The following NCKAP5 variants were observed in gnomAD, a reference collection of about 807,000 sequenced individuals.
NCKAP5 encodes nck-associated protein 5.
NCKAP5 carries 92 observed loss-of-function variants against 167.0 expected under a neutral mutation model. That is an observed-to-expected ratio of 0.55 (90% CI 0.47 to 0.66). The LOEUF is 0.66. Among genes scored for constraint, NCKAP5 ranks in the 30% least tolerant of loss-of-function variants. The pLI, the probability that NCKAP5 is intolerant of heterozygous loss-of-function variation, is 0.00. For synonymous variants in NCKAP5, 891 were observed against 877.4 expected (o/e 1.02, Z -0.27); for missense variants, 2,378 against 2,315.0 (o/e 1.03, Z -0.56).
chr2:132,863,074 C>G (rs72847271), intron 10 of NCKAP5, among the ~76,000 whole-genome samples: 25,979 of 152,060 alleles, frequency 0.17, 2,589 homozygotes, highest in East Asian at 0.32. Flanking sequence ...CCCACCTTGG[C>G]CTCCCAAAGT....
intron 3 of NCKAP5, among the ~76,000 whole-genome samples, chr2:133,392,971 C>A (rs960166129): frequency 7.2e-5 from 11 of 152,146 alleles, no homozygotes; most frequent in African/African-American, 2.7e-4. Context: ...AGAAAAAGTT[C>A]TCAGCAGAGA....
chr2:133,199,825 A>ATG (rs1427178956), intron 5 of NCKAP5, among the ~76,000 whole-genome samples: 1 of 152,044 alleles, frequency 6.6e-6, no homozygotes, highest in African/African-American at 2.4e-5. Flanking sequence ...AAATGTATAA[A>ATG]TGTGTGTATA....
chr2:133,201,970 T>G (rs1196306712), intron 5 of NCKAP5, among the ~76,000 whole-genome samples: 1 of 152,128 alleles, frequency 6.6e-6, no homozygotes, highest in Non-Finnish European at 1.5e-5. Context: ...CCAAGGTAAT[T>G]TATAGATTCA....
chr2:133,408,258 G>A (rs913776601), intron 3 of NCKAP5, among the ~76,000 whole-genome samples: 1 of 152,214 alleles, frequency 6.6e-6, no homozygotes, highest in East Asian at 1.9e-4. Context: ...GGCACAGCTT[G>A]TGCTAAAATG....
intron 5 of NCKAP5, among the ~76,000 whole-genome samples, chr2:133,180,852 T>G (rs534762815): frequency 1.8e-4 from 28 of 152,214 alleles, no homozygotes; most frequent in African/African-American, 6.5e-4. Context: ...GAAAAGCTTC[T>G]ACACAGCAAA....
intron 6 of NCKAP5, among the ~76,000 whole-genome samples, chr2:133,048,109 A>T (rs185482818): frequency 6.6e-6 from 1 of 152,278 alleles, no homozygotes; most frequent in African/African-American, 2.4e-5. Context: ...TGTGAGTTTC[A>T]CAGTCAAAGG....
intron 3 of NCKAP5, among the ~76,000 whole-genome samples, chr2:133,316,090 G>A (rs533260084): frequency 9.9e-5 from 15 of 152,244 alleles, no homozygotes; most frequent in African/African-American, 3.6e-4. Context: ...ACTTGTAGGA[G>A]GATGTTGCCA....
chr2:132,883,420 A>C (rs1691949183), intron 8 of NCKAP5, among the ~76,000 whole-genome samples: 1 of 152,014 alleles, frequency 6.6e-6, no homozygotes, highest in Non-Finnish European at 1.5e-5. Flanking sequence ...TTAATGGATA[A>C]TGGCTGGTTG....
intron 5 of NCKAP5, among the ~76,000 whole-genome samples, chr2:133,190,831 T>G (rs139481163): frequency 0.066 from 10,109 of 152,146 alleles, 486 homozygotes; most frequent in East Asian, 0.24. Context: ...GAAGAAAACC[T>G]AGGCAATACC....
intron 5 of NCKAP5, among the ~76,000 whole-genome samples, chr2:133,194,119 A>C (rs987027075): frequency 6.6e-6 from 1 of 152,082 alleles, no homozygotes; most frequent in Non-Finnish European, 1.5e-5. Context: ...TCGGGTAAGA[A>C]AGTGAAAATT....
chr2:132,679,501 A>G (rs1684925708), intron 19 of NCKAP5, among the ~76,000 whole-genome samples: 1 of 152,164 alleles, frequency 6.6e-6, no homozygotes, highest in South Asian at 2.1e-4. Context: ...CTCTGATTAC[A>G]TATGATGCAG....
At chr2:132,673,383 T>A (rs1683988851) in intron 19 of NCKAP5, 78 bp from the exon 20 acceptor site, 1 of 1,226,662 alleles carries the variant, frequency 8.2e-7, no homozygotes, top group African/African-American at 1.5e-5. Context: ...TCAATTATTG[T>A]CTGTATAAAG....
At chr2:132,826,981 C>A (rs1275962833) in intron 11 of NCKAP5, among the ~76,000 whole-genome samples, 1 of 152,148 alleles carries the variant, frequency 6.6e-6, no homozygotes, top group African/African-American at 2.4e-5. Flanking sequence ...TAGAGGCAAA[C>A]TGACACTCTA....
intron 11 of NCKAP5, among the ~76,000 whole-genome samples, chr2:132,851,339 C>T (rs562166775): frequency 5.3e-5 from 8 of 152,256 alleles, no homozygotes; most frequent in Non-Finnish European, 1.0e-4. Context: ...TTGAATCTGG[C>T]CCAACTGTTC....
intron 3 of NCKAP5, among the ~76,000 whole-genome samples, chr2:133,466,107 T>C (rs1692564779): frequency 6.8e-6 from 1 of 147,538 alleles, no homozygotes; most frequent in Non-Finnish European, 1.5e-5. Flanking sequence ...TGAATGGTAA[T>C]GCCTAGGTTT....
At chr2:133,396,372 G>C (rs1413713990) in intron 3 of NCKAP5, among the ~76,000 whole-genome samples, 1 of 152,022 alleles carries the variant, frequency 6.6e-6, no homozygotes, top group African/African-American at 2.4e-5. Flanking sequence ...CACCAAACAA[G>C]AATGACTTAT....
chr2:133,667,931 G>A, the NCKAP5 span, among the ~76,000 whole-genome samples: 1 of 151,908 alleles, frequency 6.6e-6, no homozygotes, highest in African/African-American at 2.4e-5. Flanking sequence ...CCCATTACCA[G>A]TTACTTCCCA....
intron 4 of NCKAP5, among the ~76,000 whole-genome samples, chr2:133,230,976 G>A (rs975916485): frequency 6.6e-6 from 1 of 152,174 alleles, no homozygotes; most frequent in East Asian, 1.9e-4. Context: ...TTTAGGGGAT[G>A]CTGCTGCCAA....
intron 6 of NCKAP5, among the ~76,000 whole-genome samples, chr2:133,056,349 A>G: frequency 6.6e-6 from 1 of 152,136 alleles, no homozygotes; most frequent in East Asian, 1.9e-4. Context: ...TGATCTTATT[A>G]TATAGTTCCA....
Sources: gnomAD v4.1 joint callset for allele counts (sites outside exome capture counted in the v4.1 genomes callset) on GRCh38, gnomAD v4.1.1 for gene constraint, MANE v1.5 for transcripts, NCBI Gene and HGNC (gene_info 2026-07-23, HGNC 2026-07-21) for gene names.